The following ADGRF5 variants were observed in gnomAD, a reference collection of about 807,000 sequenced individuals.
The protein encoded by ADGRF5 is G-protein coupled receptor 116.
A neutral mutation model predicts 132.3 loss-of-function variants in ADGRF5; 75 were observed. The ratio of observed to expected loss-of-function variants is 0.57; its 90% CI spans 0.47 to 0.69. The LOEUF (loss-of-function observed/expected upper bound fraction) is 0.69. Ranked by LOEUF, ADGRF5 falls within the 30% of genes least tolerant of loss-of-function variation. The pLI, the probability that ADGRF5 is intolerant of heterozygous loss-of-function variation, is 0.00. For missense variants in ADGRF5, 1,516 were observed against 1,630.6 expected, an observed-to-expected ratio of 0.93 and a Z score of 1.21; for synonymous variants, 629 against 597.6, an observed-to-expected ratio of 1.05 and a Z score of -0.77.
intron 2 of ADGRF5, among the ~76,000 whole-genome samples, chr6:46,905,088 T>C (rs187580198): frequency 2.6e-5 from 4 of 152,250 alleles, no homozygotes; most frequent in East Asian, 1.9e-4. Flanking sequence ...AGAGAAGGCA[T>C]TGCTGCAGCC....
In ADGRF5 at chr6:46,944,976, A is replaced by T. The variant is rs1486536621; in HGVS notation, c.-25+9758T>A. On this transcript the variant is annotated intron_variant, in intron 1 of 20. Coordinates refer to the ADGRF5 transcript ENST00000265417. ...CCCCTTCAGACAGGTCAGTAAATCAATCTCCATGGCTTTGAAAGAAGAGTA... is the reference window on the plus strand; with the variant it reads ...CCCCTTCAGACAGGTCAGTAAATCATTCTCCATGGCTTTGAAAGAAGAGTA... 3.9e-5 allele frequency among the ~76,000 whole-genome samples: 6 copies of T among 152,326 alleles called. No individual in the cohort carries two copies. In the East Asian group the frequency reaches 1.2e-3, roughly 29 times the overall value.
intron 3 of ADGRF5, 76 bp downstream of exon 3, chr6:46,899,953 C>T: frequency 2.0e-6 from 2 of 998,214 alleles, no homozygotes; most frequent in Non-Finnish European, 3.2e-6. Flanking sequence ...ATGTAGACTA[C>T]AATGTTTTAA....
intron 10 of ADGRF5, among the ~76,000 whole-genome samples, chr6:46,877,331 T>C (rs1453076128): frequency 2.5e-4 from 2 of 8,122 alleles, no homozygotes; most frequent in African/African-American, 3.7e-4. Context: ...CCTTCTTTCT[T>C]TCTTTCTTTC....
intron 19 of ADGRF5, 109 bp downstream of exon 19, chr6:46,856,609 G>T: frequency 1.4e-6 from 1 of 708,190 alleles, no homozygotes; most frequent in South Asian, 1.7e-5. Context: ...AATATATTTA[G>T]CCTAATTGAT....
intron 2 of ADGRF5, among the ~76,000 whole-genome samples, chr6:46,904,348 T>C (rs1259204410): frequency 2.0e-5 from 3 of 152,162 alleles, no homozygotes; most frequent in Non-Finnish European, 4.4e-5. Flanking sequence ...ATATGTACAA[T>C]AGGATATTAT....
chr6:46,922,778 G>A (rs1286334001), upstream of ADGRF5, among the ~76,000 whole-genome samples: 1 of 152,214 alleles, frequency 6.6e-6, no homozygotes, highest in Non-Finnish European at 1.5e-5. Context: ...AGTGCTTCGG[G>A]TGAGTCCCAT....
intron 6 of ADGRF5, among the ~76,000 whole-genome samples, chr6:46,883,101 T>C (rs766982284): frequency 3.9e-5 from 6 of 152,258 alleles, no homozygotes; most frequent in South Asian, 2.1e-4. Flanking sequence ...TCTATTTTTA[T>C]GTGAATCAAT....
At chr6:46,877,028 G>A (rs532834410) in intron 10 of ADGRF5, among the ~76,000 whole-genome samples, 1 of 152,292 alleles carries the variant, frequency 6.6e-6, no homozygotes, top group South Asian at 2.1e-4. Flanking sequence ...TTTCTTTACA[G>A]ATAAGCGCAT....
intron 1 of ADGRF5, among the ~76,000 whole-genome samples, chr6:46,916,351 C>T (rs1776414387): frequency 6.6e-6 from 1 of 152,226 alleles, no homozygotes; most frequent in South Asian, 2.1e-4. Flanking sequence ...TCTCTCCTAA[C>T]CCATCCCTTC....
chr6:46,924,816 A>AC (rs1407698864), upstream of ADGRF5, among the ~76,000 whole-genome samples: 1 of 152,174 alleles, frequency 6.6e-6, no homozygotes, highest in African/African-American at 2.4e-5. Flanking sequence ...CTTGAGTCCT[A>AC]CCTTGCACAC....
chr6:46,884,601 C>A (rs1772852871), intron 4 of ADGRF5, among the ~76,000 whole-genome samples: 2 of 152,192 alleles, frequency 1.3e-5, no homozygotes, highest in Non-Finnish European at 2.9e-5. Context: ...GACCTTTGCC[C>A]ATCCCTACCA....
At chr6:46,884,396 G>A (rs931993241) in intron 4 of ADGRF5, 125 bp from the exon 5 acceptor site, 2 of 712,220 alleles carry the variant, frequency 2.8e-6, no homozygotes, top group African/African-American at 3.5e-5. Context: ...ACCTTTCTGA[G>A]AAGTTCAATA....
At chr6:46,912,757 G>A (rs111495109) in intron 1 of ADGRF5, among the ~76,000 whole-genome samples, 63 of 152,268 alleles carry the variant, frequency 4.1e-4, no homozygotes, top group Middle Eastern at 3.4e-3. Flanking sequence ...TAAGCTATAA[G>A]TCTGCCTTTC....
At chr6:46,942,664 A>G (rs998362477) in intron 1 of ADGRF5, among the ~76,000 whole-genome samples, 2 of 152,242 alleles carry the variant, frequency 1.3e-5, no homozygotes, top group Admixed American at 6.5e-5. Flanking sequence ...TGCTTCTGTC[A>G]TGAGAAGCCT....
rs1398779215 is a variant in ADGRF5, at chr6:46,883,600, A to G, written c.571T>C (p.Ser191Pro). ...GFQEDLMNTS[S>P]ALYRSYKTDL... ...GTCTTGTAGGACCTATAGAGGGCGG[A>G]GGAAGTGTTCATGAGGTCTTCTTGA... The change falls in exon 6 of 21, where the codon TCC (serine) becomes CCC (proline). Residue 191 changes from serine to proline, a missense_variant. Ser to Pro is a moderately conservative substitution (Grantham distance 74). Around this residue, in one of 2 missense-constraint regions of ADGRF5, gnomAD observed 945 missense variants for 929.4 expected, o/e 1.02. Coordinates refer to ENST00000283296, the MANE Select transcript of ADGRF5 (RefSeq NM_001098518.2). 1 of 1,609,500 alleles carries G rather than the reference A, an allele frequency of 6.2e-7. No individual in the cohort carries two copies.
Position 46,896,712 on chromosome 6 carries a change from TAC to T in ADGRF5, c.157+3315_157+3316del, listed in dbSNP as rs1774220324. Among the ~76,000 whole-genome samples the T allele has an allele frequency of 5.9e-5, 9 of 151,408 alleles. No homozygotes were observed. The South Asian group carries it at 1.9e-3, about 32-fold the overall frequency. ...ACATATGTGATACATATATATGTGA[TAC>T]ATATATATATATATGTAATATAATA... On this transcript the variant is annotated intron_variant, in intron 3 of 20. Transcript: ENST00000283296.
intron 3 of ADGRF5, among the ~76,000 whole-genome samples, chr6:46,889,568 G>GTGTA (rs1263241979): frequency 0.27 from 20,696 of 77,228 alleles, 1,810 homozygotes; most frequent in Admixed American, 0.34. Flanking sequence ...GTGTGTGTGT[G>GTGTA]TATATATATA....
intron 3 of ADGRF5, among the ~76,000 whole-genome samples, chr6:46,898,767 A>G (rs1774437944): frequency 6.6e-6 from 1 of 152,080 alleles, no homozygotes; most frequent in Admixed American, 6.6e-5. Flanking sequence ...TCTCTTTTAG[A>G]CTCACTAGAT....
chr6:46,953,709 A>AT (rs1778614631), intron 1 of ADGRF5, among the ~76,000 whole-genome samples: 1 of 133,648 alleles, frequency 7.5e-6, no homozygotes. Flanking sequence ...CAGTGGCATT[A>AT]TTAGAATTGC....
Sources: allele counts gnomAD v4.1 joint callset (sites outside exome capture counted in the v4.1 genomes callset), GRCh38; gene constraint gnomAD v4.1.1; regional missense constraint gnomAD v4.1.1; transcripts MANE v1.5; gene names NCBI Gene and HGNC (gene_info 2026-07-23, HGNC 2026-07-21).